The following SPAG16 variants were observed in gnomAD, a reference collection of about 807,000 sequenced individuals.
SPAG16 encodes the protein sperm associated antigen 16.
SPAG16 carries 86 observed loss-of-function variants against 80.4 expected under a neutral mutation model. The ratio of observed to expected loss-of-function variants is 1.07; its 90% CI spans 0.90 to 1.28. SPAG16 has a LOEUF of 1.28. Ranked by LOEUF, SPAG16 falls within the 50% of genes most tolerant of loss-of-function variation. SPAG16 has a pLI of 0.00. For missense variants in SPAG16, 870 were observed against 765.3 expected (o/e 1.14, Z -1.61); for synonymous variants, 294 against 265.9 (o/e 1.11, Z -1.03).
chr2:213,734,441 AT>A (rs1271632228), intron 10 of SPAG16, among the ~76,000 whole-genome samples: 2 of 152,222 alleles, frequency 1.3e-5, no homozygotes, highest in African/African-American at 2.4e-5. Context: ...AAGATTAAGT[AT>A]TTTTCCTTCT....
intron 15 of SPAG16, among the ~76,000 whole-genome samples, chr2:214,177,813 G>T (rs1052224243): frequency 2.0e-5 from 3 of 146,492 alleles, no homozygotes; most frequent in Non-Finnish European, 4.5e-5. Flanking sequence ...CCATAAGTTT[G>T]TTCCTATAAG....
intron 11 of SPAG16, among the ~76,000 whole-genome samples, chr2:213,916,236 T>C (rs2077960045): frequency 6.6e-6 from 1 of 152,224 alleles, no homozygotes; most frequent in Non-Finnish European, 1.5e-5. Flanking sequence ...CTAGGGTTTT[T>C]ATGGTTTTAG....
intron 10 of SPAG16, among the ~76,000 whole-genome samples, chr2:213,515,144 T>A (rs976152676): frequency 6.6e-6 from 1 of 151,490 alleles, no homozygotes; most frequent in African/African-American, 2.5e-5. Context: ...ATATTCAAAC[T>A]ATTAGATAAG....
chr2:213,717,250 C>G (rs2066279365), intron 10 of SPAG16, among the ~76,000 whole-genome samples: 1 of 151,654 alleles, frequency 6.6e-6, no homozygotes, highest in Non-Finnish European at 1.5e-5. Flanking sequence ...GCTCCGCCTC[C>G]CAGGTACATG....
intron 15 of SPAG16, among the ~76,000 whole-genome samples, chr2:214,384,911 T>A (rs904162132): frequency 2.6e-5 from 4 of 152,212 alleles, no homozygotes; most frequent in African/African-American, 9.6e-5. Flanking sequence ...AAAGTCCTCA[T>A]ACTTGAAACA....
intron 15 of SPAG16, among the ~76,000 whole-genome samples, chr2:214,242,004 A>C (rs958194764): frequency 2.0e-5 from 3 of 152,218 alleles, no homozygotes; most frequent in Non-Finnish European, 4.4e-5. Context: ...TCTCTTGCCT[A>C]GAAAGAAGAA....
chr2:213,457,642 T>C (rs909690598), intron 9 of SPAG16, among the ~76,000 whole-genome samples: 1 of 152,200 alleles, frequency 6.6e-6, no homozygotes, highest in Non-Finnish European at 1.5e-5. Flanking sequence ...AGACCAGATT[T>C]ATTTTTGGTG....
chr2:213,597,773 C>A (rs965901874), intron 10 of SPAG16, among the ~76,000 whole-genome samples: 5 of 152,066 alleles, frequency 3.3e-5, no homozygotes, highest in African/African-American at 1.2e-4. Context: ...TTTGCCCCCC[C>A]AAAAACTTCT....
intron 13 of SPAG16, among the ~76,000 whole-genome samples, chr2:214,026,230 A>G (rs57712962): frequency 0.27 from 41,401 of 151,036 alleles, 6,082 homozygotes; most frequent in Non-Finnish European, 0.32. Flanking sequence ...ATGCATATAT[A>G]TACATACACA....
chr2:214,224,977 G>A (rs1390102729), intron 15 of SPAG16, among the ~76,000 whole-genome samples: 1 of 152,134 alleles, frequency 6.6e-6, no homozygotes, highest in Non-Finnish European at 1.5e-5. Context: ...GAAACAAGAA[G>A]AGATTGGATT....
At chr2:213,323,595 A>G (rs2063720796) in intron 5 of SPAG16, among the ~76,000 whole-genome samples, 2 of 152,244 alleles carry the variant, frequency 1.3e-5, no homozygotes, top group South Asian at 4.1e-4. Flanking sequence ...AAACTACCAT[A>G]TGATCAAGAA....
chr2:214,133,746 G>C (rs1316611339), intron 14 of SPAG16, among the ~76,000 whole-genome samples: 2 of 152,154 alleles, frequency 1.3e-5, no homozygotes, highest in African/African-American at 4.8e-5. Context: ...GTCCCAGTGT[G>C]AGTTGATGAC....
chr2:213,722,612 G>T (rs1200157203), intron 10 of SPAG16, among the ~76,000 whole-genome samples: 1 of 152,106 alleles, frequency 6.6e-6, no homozygotes, highest in Non-Finnish European at 1.5e-5. Flanking sequence ...TGCTAAGGAT[G>T]GTAATAAGAA....
At chr2:214,317,271 C>A (rs1447415391) in intron 15 of SPAG16, among the ~76,000 whole-genome samples, 1 of 152,208 alleles carries the variant, frequency 6.6e-6, no homozygotes, top group Non-Finnish European at 1.5e-5. Context: ...CTTCTGACTT[C>A]CGGCCTAATG....
chr2:213,910,263 T>G (rs1263262416), intron 11 of SPAG16, among the ~76,000 whole-genome samples: 1 of 152,214 alleles, frequency 6.6e-6, no homozygotes, highest in Admixed American at 6.5e-5. Context: ...TTCCACTAGT[T>G]ACGGAAATAG....
intron 13 of SPAG16, among the ~76,000 whole-genome samples, chr2:214,046,213 T>C (rs1298820732): frequency 2.0e-5 from 3 of 151,700 alleles, no homozygotes; most frequent in Non-Finnish European, 2.9e-5. Flanking sequence ...TAATAAAAAC[T>C]CTCCCAGCAA....
intron 10 of SPAG16, among the ~76,000 whole-genome samples, chr2:213,643,381 TATATATATATA>T (rs2062690584): frequency 1.4e-5 from 1 of 72,860 alleles, no homozygotes. Flanking sequence ...TATATATATA[TATATATATATA>T]TATATATATA....
intron 11 of SPAG16, among the ~76,000 whole-genome samples, chr2:213,875,923 A>G (rs961174809): frequency 2.7e-5 from 4 of 150,640 alleles, no homozygotes; most frequent in Non-Finnish European, 5.9e-5. Context: ...AATATTAACC[A>G]GAACATTATT....
chr2:213,985,818 G>A (rs1007851213), intron 12 of SPAG16, among the ~76,000 whole-genome samples: 2 of 152,016 alleles, frequency 1.3e-5, no homozygotes, highest in Non-Finnish European at 2.9e-5. Context: ...AAATAGCAGA[G>A]GCTATTGAAG....
Sources: gnomAD v4.1 joint callset for allele counts (sites outside exome capture counted in the v4.1 genomes callset) on GRCh38, gnomAD v4.1.1 for gene constraint, MANE v1.5 for transcripts, NCBI Gene and HGNC (gene_info 2026-07-23, HGNC 2026-07-21) for gene names.